The following SLC38A8 variants were observed in gnomAD, a reference collection of about 807,000 sequenced individuals.
The protein encoded by SLC38A8 is solute carrier family 38 member 8, also known as amino acid transporter SLC38A8.
A neutral mutation model predicts 46.0 loss-of-function variants in SLC38A8; 65 were observed. The observed-to-expected ratio is 1.41, with a 90% confidence interval of 1.16 to 1.74. The LOEUF is 1.74. Among genes scored for constraint, SLC38A8 ranks in the 40% most tolerant of loss-of-function variants. The probability of loss-of-function intolerance (pLI) is 0.00; values close to 1 mark genes in which losing one functional copy is unlikely to be tolerated. For missense variants in SLC38A8, 998 were observed against 567.9 expected, an observed-to-expected ratio of 1.76 and a Z score of -7.70; for synonymous variants, 447 against 243.7, an observed-to-expected ratio of 1.83 and a Z score of -7.77.
chr16:84,015,648 T>A (rs1381919839), intron 9 of SLC38A8, among the ~76,000 whole-genome samples: 1 of 152,024 alleles, frequency 6.6e-6, no homozygotes, highest in East Asian at 1.9e-4. Context: ...AGAATGTCCA[T>A]CAGGAGCTGT....
rs76700336 is a variant in SLC38A8 at position 84,031,743 on chromosome 16, C to T, written c.632+124G>A. The T allele has an allele frequency of 6.3e-6, 5 of 796,264 alleles. No homozygotes were observed. The Admixed American group carries it at 1.2e-4, about 18-fold the overall frequency. The allele number at this position is 796,264 out of a possible 1,614,324, so 49.3% of individuals were successfully genotyped here. ...TTCACCGCATCAGAGACGGAAAGAA[C>T]TGGAAGGAAGGAGCCCAGGCTCTGC... On this transcript the variant is annotated intron_variant, in intron 5 of 10. Transcript: ENST00000299709.
intron 2 of SLC38A8, among the ~76,000 whole-genome samples, chr16:84,039,461 G>A (rs1208855972): frequency 1.3e-5 from 2 of 152,080 alleles, no homozygotes; most frequent in Non-Finnish European, 2.9e-5. Flanking sequence ...GAAAGGCAGG[G>A]GGGCCGGGTA....
At position 84,009,800 on chromosome 16, in the gene SLC38A8, A is replaced by G. The variant is rs960288755; in HGVS notation, c.1292T>C (p.Val431Ala). The G allele has an allele frequency of 1.9e-6, 3 of 1,613,916 alleles. No homozygotes were observed. The highest frequency in any genetic ancestry group is 1.7e-5 in the Admixed American group (1 of 59,980). ...AGCTGCCCATCAGAACATCTCCCAG[A>G]CCGCTGCCGCCGTGCTCTGCCCAAA... ...FIFGQSTAAA[V>A]WEMF The change falls in exon 11 of 11, where the codon GTC becomes GCC. Residue 431 changes from valine (V) to alanine (A), a missense_variant. Transcript: ENST00000299709.
chr16:84,029,384 G>A lies in SLC38A8; in HGVS notation c.690+110C>T, dbSNP rs2085209910. On this transcript the variant is annotated intron_variant, in intron 6 of 10. Transcript: ENST00000299709. The stretch of plus-strand genomic sequence containing the variant: ...GCACAGAGCCCACTGTATCCTAGGA[G>A]AAGTCCTCAGACGCCTCCCTGACAG... 6 of 1,117,606 alleles carry A rather than the reference G, an allele frequency of 5.4e-6. No individual in the cohort carries two copies. In the South Asian group the frequency reaches 8.3e-5, roughly 15 times the overall value. 69.2% of individuals were successfully genotyped at this position (1,117,606 alleles called of 1,614,324 possible). A position where few individuals can be genotyped will look rare whatever the true frequency, so the allele number is the denominator to read the frequency against.
intron 9 of SLC38A8, among the ~76,000 whole-genome samples, chr16:84,016,172 C>T (rs888520479): frequency 1.3e-5 from 2 of 152,234 alleles, no homozygotes; most frequent in Admixed American, 6.5e-5. Flanking sequence ...TCTCATGAGA[C>T]TTATTCACTA....
At chr16:84,025,984 G>A (rs548444920) in intron 6 of SLC38A8, among the ~76,000 whole-genome samples, 2 of 152,224 alleles carry the variant, frequency 1.3e-5, no homozygotes, top group Non-Finnish European at 2.9e-5. Flanking sequence ...CAGCCCTGTG[G>A]TCCTAGAGCC....
intron 3 of SLC38A8, among the ~76,000 whole-genome samples, chr16:84,035,352 AC>A (rs2085289349): frequency 6.6e-6 from 1 of 151,836 alleles, no homozygotes; most frequent in South Asian, 2.1e-4. Flanking sequence ...CAATCTCAAT[AC>A]CCCCCAGTCA....
chr16:84,036,969 C>T (rs1355715777), intron 2 of SLC38A8, 69 bp from the exon 3 acceptor site: 1 of 1,436,514 alleles, frequency 7.0e-7, no homozygotes, highest in Non-Finnish European at 9.5e-7. Flanking sequence ...CCAGCCACCC[C>T]TCGGGCACAC....
intron 5 of SLC38A8, among the ~76,000 whole-genome samples, chr16:84,031,620 G>A (rs949280726): frequency 7.2e-5 from 11 of 152,216 alleles, no homozygotes; most frequent in Admixed American, 5.2e-4. Flanking sequence ...CCCCTAGGCC[G>A]CCGCAGCCTT....
intron 6 of SLC38A8, among the ~76,000 whole-genome samples, chr16:84,023,654 G>A (rs2085123343): frequency 6.6e-6 from 1 of 152,198 alleles, no homozygotes. Flanking sequence ...AGCACTTTGG[G>A]AGGCCGAAGG....
At chr16:84,022,944 G>A (rs2085113183) in intron 6 of SLC38A8, 55 bp from the exon 7 acceptor site, 1 of 1,359,236 alleles carries the variant, frequency 7.4e-7, no homozygotes, top group African/African-American at 1.5e-5. Flanking sequence ...AACAGGCGAT[G>A]CGAAAAAAAA....
Position 84,013,197 on chromosome 16 carries a change from A to C in SLC38A8, c.1163-145T>G, listed in dbSNP as rs183629554. ...CTGGCTCAGGCCCCCTGGAGAGGCA[A>C]CACAGTGGAGCTGGAAGGACGGGGC... On this transcript the variant is annotated intron_variant, in intron 9 of 10. Coordinates refer to ENST00000299709, the MANE Select transcript of SLC38A8 (RefSeq NM_001080442.3). The C allele has an allele frequency of 1.1e-3, 851 of 799,188 alleles. 4 individuals carry two copies. Among genetic ancestry groups the C allele is most frequent in the Admixed American group, 6.4e-3 (242 of 37,596 alleles). 49.5% of individuals were successfully genotyped at this position (799,188 alleles called of 1,614,324 possible).
intron 6 of SLC38A8, among the ~76,000 whole-genome samples, chr16:84,027,681 C>G (rs540773869): frequency 6.6e-6 from 1 of 152,228 alleles, no homozygotes; most frequent in African/African-American, 2.4e-5. Context: ...AGCCCCTACT[C>G]CCACTCCTTC....
At chr16:84,036,964 C>A in intron 2 of SLC38A8, 64 bp from the exon 3 acceptor site, 1 of 1,484,990 alleles carries the variant, frequency 6.7e-7, no homozygotes, top group Non-Finnish European at 9.1e-7. Flanking sequence ...CCCAGCCAGC[C>A]ACCCCTCGGG....
chr16:84,026,038 C>G (rs895185307), intron 6 of SLC38A8, among the ~76,000 whole-genome samples: 6 of 152,250 alleles, frequency 3.9e-5, no homozygotes, highest in Non-Finnish European at 7.3e-5. Flanking sequence ...CACCTCAGCC[C>G]CATGGCAGGC....
chr16:84,010,889 T>C (rs193224424), intron 10 of SLC38A8, among the ~76,000 whole-genome samples: 63 of 150,724 alleles, frequency 4.2e-4, no homozygotes, highest in Non-Finnish European at 8.1e-4. Context: ...CTCAGAGGGG[T>C]AGGGGACGAG....
chr16:84,014,617 C>G (rs932488090), intron 9 of SLC38A8, among the ~76,000 whole-genome samples: 1 of 152,240 alleles, frequency 6.6e-6, no homozygotes, highest in Non-Finnish European at 1.5e-5. Flanking sequence ...TCTGAGAGCT[C>G]TGGGCAGAGC....
chr16:84,025,664 G>A lies in SLC38A8; in HGVS notation c.691-2775C>T, dbSNP rs1056103812. ...ACCAGGCCTCCCTCCACCCAGCCTC[G>A]CTCTGTCACTCATGAGTCCTCCTCG... On this transcript the variant is annotated intron_variant, in intron 6 of 10. Coordinates refer to ENST00000299709, the MANE Select transcript of SLC38A8 (RefSeq NM_001080442.3). 2.0e-5 allele frequency among the ~76,000 whole-genome samples: 3 copies of A among 152,216 alleles called. No homozygotes were observed. In the South Asian group the frequency reaches 6.2e-4, roughly 32 times the overall value.
Position 84,013,019 on chromosome 16 carries a change from G to A in SLC38A8, c.1196C>T (p.Pro399Leu). 4 of 1,614,170 alleles carry A rather than the reference G, an allele frequency of 2.5e-6. No homozygotes were observed. The highest frequency in any genetic ancestry group is 2.5e-6 in the Non-Finnish European group (3 of 1,180,006). ...LCLICAMGVE[P>L]IGPRVKCCLE... ...CACTTACTTGACTCTTGGTCCTATA[G>A]GCTCGACACCCATTGCACAGATGAG... The change falls in exon 10 of 11, where the codon CCT (proline) becomes CTT (leucine). Residue 399 changes from proline to leucine, a missense_variant. Pro to Leu is a moderately conservative substitution (Grantham distance 98, BLOSUM62 -3). Transcript: ENST00000299709.
Sources: allele counts gnomAD v4.1 joint callset (sites outside exome capture counted in the v4.1 genomes callset), GRCh38; gene constraint gnomAD v4.1.1; transcripts MANE v1.5; gene names NCBI Gene and HGNC (gene_info 2026-07-23, HGNC 2026-07-21).